The following SPPL3 variants were observed in gnomAD, a reference collection of about 807,000 sequenced individuals.
The protein encoded by SPPL3 is signal peptide peptidase like 3, also known as signal peptide peptidase-like 3.
A neutral mutation model predicts 42.4 loss-of-function variants in SPPL3; 5 were observed. The ratio of observed to expected loss-of-function variants is 0.12; its 90% confidence interval spans 0.06 to 0.25. SPPL3 has a LOEUF of 0.25. SPPL3 is among the 10% of genes least tolerant of loss of function. The pLI is 1.00. For synonymous variants in SPPL3, 195 were observed against 181.8 expected (o/e 1.07, Z -0.58); for missense variants, 235 against 489.0 (o/e 0.48, Z 4.90).
intron 1 of SPPL3, among the ~76,000 whole-genome samples, chr12:120,892,483 G>T (rs372192082): frequency 2.0e-5 from 3 of 152,016 alleles, no homozygotes; most frequent in Non-Finnish European, 4.4e-5. Context: ...TTAGAGACTT[G>T]GAAGAAGGGC....
At chr12:120,850,849 C>T (rs1872199838) in intron 1 of SPPL3, among the ~76,000 whole-genome samples, 1 of 152,214 alleles carries the variant, frequency 6.6e-6, no homozygotes, top group African/African-American at 2.4e-5. Flanking sequence ...TCGATCACTA[C>T]AACCTCTTGT....
chr12:120,898,961 A>G (rs1360971293), intron 1 of SPPL3, among the ~76,000 whole-genome samples: 1 of 152,248 alleles, frequency 6.6e-6, no homozygotes, highest in Non-Finnish European at 1.5e-5. Flanking sequence ...TACCAGTTAT[A>G]TATAAGTACC....
At position 120,903,914 on chromosome 12, in the gene SPPL3, C is replaced by A. The variant is rs1185324955; in HGVS notation, c.-47G>T. ...CGCTGCAGGCTGTGGCCGGGCCCGG[C>A]GGCGGCGGGCTCGCTCGGGCCGTAG... On this transcript the variant is annotated 5_prime_UTR_variant, in exon 1 of 11. Transcript: ENST00000353487. 11 of 1,329,916 alleles carry A rather than the reference C, an allele frequency of 8.3e-6. No homozygotes were observed. Among genetic ancestry groups the A allele is most frequent in the African/African-American group, 7.7e-5 (5 of 65,034 alleles). 82.4% of individuals were successfully genotyped at this position (1,329,916 alleles called of 1,614,324 possible).
chr12:120,789,295 A>G (rs1869826569), intron 3 of SPPL3, among the ~76,000 whole-genome samples: 1 of 151,618 alleles, frequency 6.6e-6, no homozygotes, highest in African/African-American at 2.4e-5. Flanking sequence ...CTCTACTAAA[A>G]ATACAAAAAT....
chr12:120,766,336 C>T lies in SPPL3; in HGVS notation c.1010G>A (p.Arg337Gln), dbSNP rs1036965750. The T allele has an allele frequency of 9.4e-6, 15 of 1,598,910 alleles. No homozygotes were observed. The Middle Eastern group carries it at 6.6e-4, about 70-fold the overall frequency. The stretch of plus-strand genomic sequence containing the variant: ...ATAGAGAAGGGCGGGCTGGGCGGCC[C>T]GGTGAATGCGAGACGCCACAGTAGC... ...LTATVASRIH[R>Q]AAQPALLYLV... Residue 337 changes from arginine (R) to glutamine (Q), a missense_variant, in exon 10 of 11, where the codon CGG becomes CAG. Arg to Gln is a conservative substitution (Grantham distance 43). Around this residue, in one of 6 missense-constraint regions of SPPL3, gnomAD observed 38 missense variants for 105.2 expected, o/e 0.36. Transcript: ENST00000353487.
chr12:120,778,662 G>A (rs1451720942), intron 6 of SPPL3, among the ~76,000 whole-genome samples: 1 of 151,952 alleles, frequency 6.6e-6, no homozygotes, highest in Non-Finnish European at 1.5e-5. Flanking sequence ...ACTTATATTT[G>A]TATGCTTTAC....
At chr12:120,817,306 A>G (rs561665770) in intron 1 of SPPL3, among the ~76,000 whole-genome samples, 1 of 152,254 alleles carries the variant, frequency 6.6e-6, no homozygotes, top group East Asian at 1.9e-4. Flanking sequence ...AAAAAGTTTA[A>G]AAAGTCTGTA....
chr12:120,871,986 T>A (rs888350495), intron 1 of SPPL3, among the ~76,000 whole-genome samples: 1 of 152,204 alleles, frequency 6.6e-6, no homozygotes, highest in African/African-American at 2.4e-5. Context: ...ATCCCTAATT[T>A]AAAAATCTGA....
At chr12:120,823,655 C>T (rs951791345) in intron 1 of SPPL3, among the ~76,000 whole-genome samples, 6 of 152,264 alleles carry the variant, frequency 3.9e-5, no homozygotes, top group African/African-American at 1.2e-4. Context: ...ATACTGTCTA[C>T]TCTCATGCCT....
intron 1 of SPPL3, 52 bp downstream of exon 1, chr12:120,903,774 CTCGGCGGGCCGCGCCGGCG>C: frequency 8.0e-7 from 1 of 1,255,166 alleles, no homozygotes; most frequent in Non-Finnish European, 1.1e-6. Flanking sequence ...TCCTCTTCCC[CTCGGCGGGCCGCGCCGGCG>C]CCCCGACCCC....
chr12:120,769,993 C>G (rs1378921941), intron 6 of SPPL3: 2 of 151,080 alleles, frequency 1.3e-5, no homozygotes, highest in African/African-American at 2.4e-5. Flanking sequence ...GACCCCAAAA[C>G]ATCTTTTGCA....
In SPPL3 at chr12:120,821,886, C is replaced by T. The variant is rs113554267; in HGVS notation, c.24-11000G>A. On this transcript the variant is annotated intron_variant, in intron 1 of 10. Transcript: ENST00000353487. ...ATGAATGGATAAATAAATTGTGGTA[C>T]AGCCATCCAATCAAATATTATTCAT... Among the ~76,000 whole-genome samples, 13 of 152,238 alleles carry T rather than the reference C, an allele frequency of 8.5e-5. 1 individual carries two copies. The highest frequency in any genetic ancestry group is 2.9e-4 in the African/African-American group (12 of 41,538).
intron 1 of SPPL3, among the ~76,000 whole-genome samples, chr12:120,840,829 G>C (rs1011587301): frequency 1.3e-5 from 2 of 151,528 alleles, no homozygotes; most frequent in African/African-American, 4.9e-5. Context: ...GTGAGACCCG[G>C]TCTGAAAAAA....
At chr12:120,860,908 G>A (rs1216288855) in intron 1 of SPPL3, among the ~76,000 whole-genome samples, 1 of 152,066 alleles carries the variant, frequency 6.6e-6, no homozygotes, top group South Asian at 2.1e-4. Flanking sequence ...ATCCTTGGAT[G>A]CTCCAGTCCC....
chr12:120,807,294 G>T (rs145642160), intron 2 of SPPL3, among the ~76,000 whole-genome samples: 2 of 151,976 alleles, frequency 1.3e-5, no homozygotes, highest in African/African-American at 4.8e-5. Flanking sequence ...ACCTGTCACC[G>T]AAGGGTACAC....
chr12:120,887,036 C>T (rs1873483733), intron 1 of SPPL3, among the ~76,000 whole-genome samples: 2 of 151,616 alleles, frequency 1.3e-5, no homozygotes, highest in South Asian at 2.1e-4. Context: ...TGCAGTGGCA[C>T]GATCTCGGCT....
At chr12:120,767,201 C>T (rs1360328686) in intron 9 of SPPL3, among the ~76,000 whole-genome samples, 193 bp downstream of exon 9, 1 of 152,218 alleles carries the variant, frequency 6.6e-6, no homozygotes, top group Non-Finnish European at 1.5e-5. Context: ...TCTTCAGATA[C>T]ACAGCTGGAG....
At chr12:120,902,266 A>T (rs1874006404) in intron 1 of SPPL3, among the ~76,000 whole-genome samples, 1 of 152,202 alleles carries the variant, frequency 6.6e-6, no homozygotes. Context: ...GATTGCACAT[A>T]CATCAATGAA....
At chr12:120,810,741 G>A (rs879149349) in intron 2 of SPPL3, 68 bp downstream of exon 2, 1 of 1,245,234 alleles carries the variant, frequency 8.0e-7, no homozygotes, top group African/African-American at 1.5e-5. Flanking sequence ...TTTGGTACCA[G>A]CACTTTCAGA....
Sources: allele counts gnomAD v4.1 joint callset (sites outside exome capture counted in the v4.1 genomes callset), GRCh38; gene constraint gnomAD v4.1.1; regional missense constraint gnomAD v4.1.1; transcripts MANE v1.5; gene names NCBI Gene and HGNC (gene_info 2026-07-23, HGNC 2026-07-21).